PSMA5: variants seen among roughly 807,000 people sequenced by gnomAD.
PSMA5 encodes proteasome subunit alpha type-5.
Under a neutral mutation model 34.5 loss-of-function variants are expected in PSMA5, and 3 were observed. That is an observed-to-expected ratio of 0.09 (90% CI 0.04 to 0.22). PSMA5 has a LOEUF of 0.22. PSMA5 is among the 10% of genes least tolerant of loss of function. The probability of loss-of-function intolerance (pLI) is 1.00; values close to 1 mark genes in which losing one functional copy is unlikely to be tolerated. For synonymous variants in PSMA5, 88 were observed against 95.8 expected (o/e 0.92, Z 0.47); for missense variants, 120 against 286.1 (o/e 0.42, Z 4.19).
chr1:109,410,653 T>C (rs1557840821), intron 7 of PSMA5, among the ~76,000 whole-genome samples: 1 of 152,220 alleles, frequency 6.6e-6, no homozygotes, highest in Non-Finnish European at 1.5e-5. Context: ...GGTACATCCA[T>C]ACCATGGTAT....
intron 8 of PSMA5, among the ~76,000 whole-genome samples, chr1:109,404,084 G>A (rs1653651452): frequency 6.6e-6 from 1 of 152,126 alleles, no homozygotes; most frequent in Non-Finnish European, 1.5e-5. Flanking sequence ...GGCACTTTGG[G>A]AGGCTGGGGC....
Position 109,426,392 on chromosome 1 carries a change from G to A in PSMA5, c.-62C>T, listed in dbSNP as rs532619748. 1.3e-6 allele frequency: 2 copies of A among 1,599,150 alleles called. No homozygotes were observed. The highest frequency in any genetic ancestry group is 1.7e-6 in the Non-Finnish European group (2 of 1,166,910). ...TCTGAGGACCAACACGACTCCACCG[G>A]CACCCAACTCACCGGCAGCCAACTC... is the stretch of plus-strand genomic sequence containing the variant. On this transcript the variant is annotated 5_prime_UTR_variant, in exon 1 of 9. Coordinates refer to ENST00000271308, the MANE Select transcript of PSMA5 (RefSeq NM_002790.4).
intron 8 of PSMA5, among the ~76,000 whole-genome samples, 188 bp downstream of exon 8, chr1:109,409,740 C>T (rs893532835): frequency 1.3e-5 from 2 of 151,900 alleles, no homozygotes; most frequent in Admixed American, 1.3e-4. Flanking sequence ...ACAGCAAGAC[C>T]CCATCTCTAA....
intron 8 of PSMA5, among the ~76,000 whole-genome samples, chr1:109,407,930 C>A (rs952771672): frequency 6.6e-6 from 1 of 152,162 alleles, no homozygotes; most frequent in African/African-American, 2.4e-5. Flanking sequence ...CTGGCCTCAA[C>A]TACGATTTTA....
chr1:109,420,388 A>C (rs1264983593), intron 2 of PSMA5, among the ~76,000 whole-genome samples: 1 of 152,150 alleles, frequency 6.6e-6, no homozygotes, highest in African/African-American at 2.4e-5. Context: ...AAAAAACCAT[A>C]CATCTGTGTT....
rs1020706577 is a variant in PSMA5 at position 109,402,192 on chromosome 1, G to A, written c.649-102C>T. 1.2e-5 allele frequency: 9 copies of A among 747,790 alleles called. No homozygotes were observed. In the East Asian group the frequency reaches 1.7e-4, roughly 14 times the overall value. The allele number at this position is 747,790 out of a possible 1,614,324, so 46.3% of individuals were successfully genotyped here. ...GTGTTGGTGATGCAGCTATTCATTA[G>A]GAACTAAGGGATCTGCTGTCCCAAG... On this transcript the variant is annotated intron_variant, in intron 8 of 8. Transcript: ENST00000271308.
intron 2 of PSMA5, 64 bp downstream of exon 2, chr1:109,421,796 T>G (rs181222494): frequency 7.5e-5 from 98 of 1,301,756 alleles, no homozygotes; most frequent in Middle Eastern, 5.5e-4. Context: ...TTACTCCAAG[T>G]GTTCTGCCAG....
chr1:109,399,404 G>C lies in PSMA5; in HGVS notation c.*2609C>G, dbSNP rs889320567. On this transcript the variant is annotated 3_prime_UTR_variant, in exon 9 of 9. Coordinates refer to ENST00000271308, the MANE Select transcript of PSMA5 (RefSeq NM_002790.4). Reference sequence around the variant, plus strand: ...ATTTTTAAATCTATGCCAACTATGGGAGTAGATCACAAGACAGTCAGTTCC... The same window carrying C: ...ATTTTTAAATCTATGCCAACTATGGCAGTAGATCACAAGACAGTCAGTTCC... The C allele has an allele frequency of 6.6e-6, 1 of 151,884 alleles. No homozygotes were observed. Among genetic ancestry groups the C allele is most frequent in the Non-Finnish European group, 1.5e-5 (1 of 68,004 alleles). The allele number at this position is 151,884 out of a possible 1,614,324, so 9.4% of individuals were successfully genotyped here.
chr1:109,407,286 C>T (rs1034524065), intron 8 of PSMA5, among the ~76,000 whole-genome samples: 7 of 152,068 alleles, frequency 4.6e-5, no homozygotes, highest in African/African-American at 1.4e-4. Context: ...CACGCCTGGC[C>T]GGATATTTTC....
chr1:109,402,212 C>A, intron 8 of PSMA5, 122 bp from the exon 9 acceptor site: 1 of 609,896 alleles, frequency 1.6e-6, no homozygotes, highest in Non-Finnish European at 2.8e-6. Flanking sequence ...GATCTGCTGT[C>A]CCAAGGATAT....
chr1:109,415,599 A>AT (rs1341081156), intron 2 of PSMA5, among the ~76,000 whole-genome samples: 6 of 152,234 alleles, frequency 3.9e-5, no homozygotes, highest in East Asian at 3.9e-4. Context: ...TCTCCCTTAA[A>AT]TTTTTTTAAA....
Position 109,412,182 on chromosome 1 carries a change from G to A in PSMA5, c.294C>T (p.Asn98=). ...LIDKARVETQ[N]HWFTYNETMT... ...TTGTCTCATTGTAGGTGAACCAGTG[G>A]TTCTAGAAGAAGAGCAAAGCATGGT... The change falls in exon 5 of 9, where the codon AAC becomes AAT. Residue 98 remains asparagine, a splice_region_variant and synonymous_variant. Transcript: ENST00000271308. The A allele has an allele frequency of 6.2e-7, 1 of 1,612,890 alleles. No individual in the cohort carries two copies. Among genetic ancestry groups the A allele is most frequent in the Non-Finnish European group, 8.5e-7 (1 of 1,178,880 alleles).
At chr1:109,402,156 C>T in intron 8 of PSMA5, 66 bp from the exon 9 acceptor site, 2 of 1,191,752 alleles carry the variant, frequency 1.7e-6, no homozygotes, top group Non-Finnish European at 2.4e-6. Context: ...CTACCATGGT[C>T]AGGAGAAGCT....
chr1:109,407,842 A>G (rs1453744094), intron 8 of PSMA5, among the ~76,000 whole-genome samples: 1 of 151,942 alleles, frequency 6.6e-6, no homozygotes, highest in East Asian at 1.9e-4. Context: ...ACGGGGTTTC[A>G]CTATGTTGGC....
In PSMA5 at chr1:109,426,356, T is replaced by C; in HGVS notation, c.-26A>G. 6.2e-7 allele frequency: 1 copy of C among 1,613,808 alleles called. No individual in the cohort carries two copies. The highest frequency in any genetic ancestry group is 2.2e-5 in the East Asian group (1 of 44,852). On this transcript the variant is annotated 5_prime_UTR_variant, in exon 1 of 9. Transcript: ENST00000271308. ...GGCGAGGGTAGGAGGAGGCAGCGGC[T>C]ACGCGGGGATTCTGAGGACCAACAC...
chr1:109,422,513 C>T (rs1442577349), intron 1 of PSMA5, among the ~76,000 whole-genome samples: 3 of 147,154 alleles, frequency 2.0e-5, no homozygotes, highest in South Asian at 2.1e-4. Flanking sequence ...GACAGAGTCT[C>T]GCTCTGTCGC....
rs1182055288 is a variant in PSMA5 at position 109,400,907 on chromosome 1, T to C, written c.*1106A>G. 1 of 152,164 alleles carries C rather than the reference T, an allele frequency of 6.6e-6. No individual in the cohort carries two copies. Among genetic ancestry groups the C allele is most frequent in the African/African-American group, 2.4e-5 (1 of 41,430 alleles). The allele number at this position is 152,164 out of a possible 1,614,324, so 9.4% of individuals were successfully genotyped here. ...CCATGTTGTGGACAGTGCAAGTACT[T>C]TTCAAATCTCCAGATTTCCCTATTA... On this transcript the variant is annotated 3_prime_UTR_variant, in exon 9 of 9. Coordinates refer to ENST00000271308, the MANE Select transcript of PSMA5 (RefSeq NM_002790.4).
chr1:109,409,025 T>C (rs755814792), intron 8 of PSMA5, among the ~76,000 whole-genome samples: 1 of 152,114 alleles, frequency 6.6e-6, no homozygotes, highest in Non-Finnish European at 1.5e-5. Flanking sequence ...TCTCCGTTTA[T>C]ATTTTCAAGA....
intron 2 of PSMA5, among the ~76,000 whole-genome samples, chr1:109,420,741 C>T (rs1274316052): frequency 6.6e-6 from 1 of 151,998 alleles, no homozygotes; most frequent in Non-Finnish European, 1.5e-5. Flanking sequence ...AATTGGGGGC[C>T]CTTTTGTCCC....
Sources: gnomAD v4.1 joint callset for allele counts (sites outside exome capture counted in the v4.1 genomes callset) on GRCh38, gnomAD v4.1.1 for gene constraint, MANE v1.5 for transcripts, NCBI Gene and HGNC (gene_info 2026-07-23, HGNC 2026-07-21) for gene names.